Variants in TAS2R1 observed in about 807,000 individuals in gnomAD.
TAS2R1 encodes taste 2 receptor member 1.
For missense variants in TAS2R1, 370 were observed against 353.4 expected (o/e 1.05, Z -0.38); for synonymous variants, 141 against 134.2 (o/e 1.05, Z -0.35).
rs41466 is a variant in TAS2R1, at chr5:9,627,670, C to T, written c.*1463G>A. ...CCCCCATTCAGAAGCAATAATTACACCCAGGATACAACTGATCTTCCCACA... is the reference window on the plus strand; with the variant it reads ...CCCCCATTCAGAAGCAATAATTACATCCAGGATACAACTGATCTTCCCACA... On this transcript the variant is annotated 3_prime_UTR_variant, in exon 1 of 1. Coordinates refer to ENST00000382492, the MANE Select transcript of TAS2R1 (RefSeq NM_019599.3). 0.67 allele frequency among the ~76,000 whole-genome samples: 102,478 copies of T among 152,100 alleles called. 36,200 individuals carry two copies. The highest frequency in any genetic ancestry group is 0.88 in the African/African-American group (36,753 of 41,542).
chr5:9,793,797 A>C, the TAS2R1 span, among the ~76,000 whole-genome samples: 1 of 152,114 alleles, frequency 6.6e-6, no homozygotes, highest in Non-Finnish European at 1.5e-5. Flanking sequence ...AAACACCAGG[A>C]GGCATGGACA....
chr5:9,647,219 GA>G (rs1740207379), intron 2 of TAS2R1, among the ~76,000 whole-genome samples: 1 of 152,144 alleles, frequency 6.6e-6, no homozygotes. Context: ...TGTGAAAAGA[GA>G]AAATAGAATC....
chr5:9,680,896 TA>T (rs199558555), intron 1 of TAS2R1, among the ~76,000 whole-genome samples: 2 of 149,882 alleles, frequency 1.3e-5, no homozygotes, highest in East Asian at 2.0e-4. Context: ...CTACTAAAAA[TA>T]AAAAAAAATA....
the TAS2R1 span, among the ~76,000 whole-genome samples, chr5:9,808,963 T>C: frequency 1.3e-5 from 2 of 152,240 alleles, no homozygotes; most frequent in African/African-American, 4.8e-5. Flanking sequence ...GCTGCCATCA[T>C]TGTCCTGCTA....
rs779297716 is a variant in TAS2R1, at chr5:9,629,643, G to C, written c.390C>G (p.Ile130Met). 3 of 1,613,980 alleles carry C rather than the reference G, an allele frequency of 1.9e-6. No homozygotes were observed. Among genetic ancestry groups the C allele is most frequent in the Non-Finnish European group, 2.5e-6 (3 of 1,180,014 alleles). ...TAGATACATATAGCAGAGACCCCAG[G>C]ATCATCCATGGGACCAGCTTGGATA... ...MRISKLVPWM[I>M]LGSLLYVSMI... is the part of the protein sequence containing the mutation. Residue 130 changes from isoleucine to methionine, a missense_variant, in exon 1 of 1, where the codon ATC (isoleucine) becomes ATG (methionine). Transcript: ENST00000382492.
the TAS2R1 span, among the ~76,000 whole-genome samples, chr5:9,774,258 C>G: frequency 1.3e-5 from 2 of 152,262 alleles, no homozygotes; most frequent in South Asian, 4.2e-4. Context: ...TCCAGAATTT[C>G]TGCTTGATTC....
At chr5:9,702,266 T>C (rs747889742) in intron 1 of TAS2R1, among the ~76,000 whole-genome samples, 6 of 152,218 alleles carry the variant, frequency 3.9e-5, no homozygotes, top group Non-Finnish European at 2.9e-5. Flanking sequence ...ACTCTTACTC[T>C]TCTAGTGCTA....
the TAS2R1 span, among the ~76,000 whole-genome samples, chr5:9,740,466 C>T: frequency 6.6e-6 from 1 of 152,200 alleles, no homozygotes; most frequent in Admixed American, 6.5e-5. Flanking sequence ...TGGTGTAGTT[C>T]TCTCTTCACT....
At chr5:9,860,586 A>G in the TAS2R1 span, among the ~76,000 whole-genome samples, 66 of 152,334 alleles carry the variant, frequency 4.3e-4, 1 homozygote, top group South Asian at 0.013. Context: ...TTGATGTGTA[A>G]AAGGATGTGT....
At chr5:9,646,002 G>T (rs575476829) in intron 2 of TAS2R1, among the ~76,000 whole-genome samples, 1 of 152,058 alleles carries the variant, frequency 6.6e-6, no homozygotes, top group Non-Finnish European at 1.5e-5. Flanking sequence ...GACTATTATA[G>T]AAAGGTAATG....
At chr5:9,878,288 A>T in the TAS2R1 span, among the ~76,000 whole-genome samples, 1 of 152,182 alleles carries the variant, frequency 6.6e-6, no homozygotes, top group Non-Finnish European at 1.5e-5. Flanking sequence ...TTAGTGGAGT[A>T]CCGTATTTCC....
chr5:9,857,022 A>G, the TAS2R1 span, among the ~76,000 whole-genome samples: 1 of 152,212 alleles, frequency 6.6e-6, no homozygotes, highest in Non-Finnish European at 1.5e-5. Flanking sequence ...AAAGTAAAAT[A>G]AGCCCAGTAC....
chr5:9,799,590 T>A, the TAS2R1 span, among the ~76,000 whole-genome samples: 2 of 152,214 alleles, frequency 1.3e-5, no homozygotes, highest in Non-Finnish European at 2.9e-5. Context: ...TTTCCCACCA[T>A]ACCGTTTCAC....
the TAS2R1 span, among the ~76,000 whole-genome samples, chr5:9,832,533 T>C: frequency 3.9e-5 from 6 of 152,210 alleles, no homozygotes; most frequent in East Asian, 1.2e-3. Flanking sequence ...TCAGCCCCTG[T>C]CGATAGGAAT....
chr5:9,843,562 C>T, the TAS2R1 span, among the ~76,000 whole-genome samples: 1 of 152,324 alleles, frequency 6.6e-6, no homozygotes, highest in South Asian at 2.1e-4. Context: ...CAAGGTGCCA[C>T]ACATTTAACC....
the TAS2R1 span, among the ~76,000 whole-genome samples, chr5:9,805,651 T>A: frequency 6.6e-6 from 1 of 152,086 alleles, no homozygotes; most frequent in African/African-American, 2.4e-5. Context: ...AAAAATCACA[T>A]GATCATCTCA....
chr5:9,644,288 G>T (rs767957087), intron 2 of TAS2R1, among the ~76,000 whole-genome samples: 2 of 152,176 alleles, frequency 1.3e-5, no homozygotes, highest in Non-Finnish European at 2.9e-5. Flanking sequence ...ACTAAAGGCT[G>T]TTGCAGTAGA....
At chr5:9,850,609 C>T in the TAS2R1 span, among the ~76,000 whole-genome samples, 1 of 152,220 alleles carries the variant, frequency 6.6e-6, no homozygotes, top group African/African-American at 2.4e-5. Context: ...CTGGCACATG[C>T]TGGGCTCTGC....
the TAS2R1 span, among the ~76,000 whole-genome samples, chr5:9,758,238 T>C: frequency 1.3e-5 from 2 of 152,146 alleles, no homozygotes; most frequent in Non-Finnish European, 1.5e-5. Flanking sequence ...TGAAGAACCA[T>C]AACAACCTAA....
Sources: allele counts gnomAD v4.1 joint callset (sites outside exome capture counted in the v4.1 genomes callset), GRCh38; gene constraint gnomAD v4.1.1; transcripts MANE v1.5; gene names NCBI Gene and HGNC (gene_info 2026-07-23, HGNC 2026-07-21).